Variants in TCERG1L observed in about 807,000 individuals in gnomAD.
The protein encoded by TCERG1L is transcription elongation regulator 1 like.
In TCERG1L, 37 loss-of-function variants were observed where a neutral mutation model predicts 56.3. The observed-to-expected ratio is 0.66, with a 90% CI of 0.51 to 0.87. The LOEUF (loss-of-function observed/expected upper bound fraction) is 0.87, where lower values mean the gene tolerates loss of function less well. Ranked by LOEUF, TCERG1L falls within the 40% of genes least tolerant of loss-of-function variation. The pLI is 0.00. For missense variants in TCERG1L, 799 were observed against 774.2 expected, an observed-to-expected ratio of 1.03 and a Z score of -0.38; for synonymous variants, 324 against 326.3, an observed-to-expected ratio of 0.99 and a Z score of 0.08.
intron 4 of TCERG1L, among the ~76,000 whole-genome samples, chr10:131,239,948 C>T (rs1160414528): frequency 3.9e-5 from 6 of 152,164 alleles, no homozygotes; most frequent in African/African-American, 1.4e-4. Flanking sequence ...TCTGGGGAGC[C>T]ACTTTTGTCT....
chr10:131,274,782 G>A (rs570748106), intron 3 of TCERG1L, among the ~76,000 whole-genome samples: 36 of 152,230 alleles, frequency 2.4e-4, no homozygotes, highest in Admixed American at 1.6e-3. Context: ...AGCCCAGGCC[G>A]TGTGACACCG....
chr10:131,141,524 A>G (rs78294098), intron 7 of TCERG1L, among the ~76,000 whole-genome samples: 7,361 of 152,210 alleles, frequency 0.048, 256 homozygotes, highest in South Asian at 0.19. Context: ...TCCTGTGTCT[A>G]GCCCAGTGCT....
At chr10:131,159,783 AGTGAGG>A (rs1364342645) in intron 6 of TCERG1L, among the ~76,000 whole-genome samples, 2 of 152,096 alleles carry the variant, frequency 1.3e-5, no homozygotes, top group Non-Finnish European at 2.9e-5. Flanking sequence ...TGCTGCCATT[AGTGAGG>A]ATGTCACATC....
At chr10:131,093,494 G>A (rs1845204535) in intron 11 of TCERG1L, among the ~76,000 whole-genome samples, 176 bp from the exon 12 acceptor site, 1 of 152,002 alleles carries the variant, frequency 6.6e-6, no homozygotes, top group Admixed American at 6.6e-5. Flanking sequence ...CCTCACCCGG[G>A]TCCTGCAGGG....
chr10:131,156,087 G>C (rs991390307), intron 6 of TCERG1L: 2 of 152,202 alleles, frequency 1.3e-5, no homozygotes, highest in Non-Finnish European at 2.9e-5. Context: ...ACGGTGCACG[G>C]GAGAAAGTGA....
rs1589780995 is a variant in TCERG1L at position 131,311,113 on chromosome 10, C to G, written c.342+181G>C. Among the ~76,000 whole-genome samples, 1 of 152,160 alleles carries G rather than the reference C, an allele frequency of 6.6e-6. No homozygotes were observed. The highest frequency in any genetic ancestry group is 1.5e-5 in the Non-Finnish European group (1 of 68,024). On this transcript the variant is annotated intron_variant, in intron 1 of 11. Coordinates refer to ENST00000368642, the MANE Select transcript of TCERG1L (RefSeq NM_174937.4). The surrounding 1 kb of genome is among the most constrained non-coding windows in gnomAD (Gnocchi z 4.0). ...AAAGCTGCGGAGGTGGACGACCGGG[C>G]GTCCAAGCACGAACTTTCTCGCCGA...
intron 9 of TCERG1L, among the ~76,000 whole-genome samples, chr10:131,115,047 C>T (rs553301891): frequency 1.9e-4 from 29 of 152,240 alleles, no homozygotes; most frequent in Non-Finnish European, 2.9e-4. Flanking sequence ...TCCTGCCTCT[C>T]GCCCAATGAC....
At chr10:131,235,577 T>C (rs1333853901) in intron 4 of TCERG1L, among the ~76,000 whole-genome samples, 1 of 152,228 alleles carries the variant, frequency 6.6e-6, no homozygotes, top group Non-Finnish European at 1.5e-5. Context: ...CTCAAAACTA[T>C]GGAATACTCT....
At chr10:131,302,790 G>A (rs944267851) in intron 3 of TCERG1L, among the ~76,000 whole-genome samples, 3 of 151,646 alleles carry the variant, frequency 2.0e-5, no homozygotes, top group East Asian at 1.9e-4. Context: ...CCCCCACCCC[G>A]CAACAGGCCC....
chr10:131,249,367 A>C (rs1189447924), intron 4 of TCERG1L, among the ~76,000 whole-genome samples: 2 of 152,002 alleles, frequency 1.3e-5, no homozygotes, highest in African/African-American at 2.4e-5. Flanking sequence ...CAGTGGCTCC[A>C]CCCGGGTCCC....
rs549222493 is a variant in TCERG1L at position 131,096,217 on chromosome 10, G to A, written c.1604+2089C>T. Among the ~76,000 whole-genome samples the A allele has an allele frequency of 1.3e-3, 194 of 152,306 alleles. 1 individual carries two copies. Among genetic ancestry groups the A allele is most frequent in the Middle Eastern group, 3.4e-3 (1 of 294 alleles). On this transcript the variant is annotated intron_variant, in intron 11 of 11. Transcript: ENST00000368642. ...CATGGCCAGGAGAAGATGGGCCAGG[G>A]CCAGGCTGTGAACCAAGGCAGAGAA...
chr10:131,242,865 C>G (rs1845988553), intron 4 of TCERG1L, among the ~76,000 whole-genome samples: 1 of 151,812 alleles, frequency 6.6e-6, no homozygotes, highest in African/African-American at 2.4e-5. Context: ...TCTGGTGGTC[C>G]CTGTAAAAGC....
rs377090362 is a variant in TCERG1L, at chr10:131,308,937, C to A, written c.489+216G>T. Among the ~76,000 whole-genome samples, 4 of 152,000 alleles carry A rather than the reference C, an allele frequency of 2.6e-5. No individual in the cohort carries two copies. In the East Asian group the frequency reaches 5.8e-4, roughly 22 times the overall value. ...TTCAAAAATTGGAAATTTTACATTG[C>A]CCTGTGGAATCCAAATATCCTAAAC... On this transcript the variant is annotated intron_variant, in intron 2 of 11. Coordinates refer to ENST00000368642, the MANE Select transcript of TCERG1L (RefSeq NM_174937.4).
At chr10:131,309,032 T>C (rs1262925369) in intron 2 of TCERG1L, 121 bp downstream of exon 2, 6 of 1,127,052 alleles carry the variant, frequency 5.3e-6, no homozygotes, top group Non-Finnish European at 7.4e-6. Flanking sequence ...GATTTATTTC[T>C]ATACCTAGAT....
At chr10:131,274,938 G>C (rs1396006406) in intron 3 of TCERG1L, among the ~76,000 whole-genome samples, 2 of 152,182 alleles carry the variant, frequency 1.3e-5, no homozygotes, top group African/African-American at 4.8e-5. Context: ...TCTCAGAATG[G>C]AGCCTAAGGC....
At chr10:131,192,151 G>A (rs1845311789) in intron 4 of TCERG1L, among the ~76,000 whole-genome samples, 1 of 143,350 alleles carries the variant, frequency 7.0e-6, no homozygotes, top group Non-Finnish European at 1.5e-5. Flanking sequence ...CTAGTATCCA[G>A]AATCTATGAG....
chr10:131,097,200 CAAAA>C (rs1161006867), intron 11 of TCERG1L, among the ~76,000 whole-genome samples: 5 of 91,046 alleles, frequency 5.5e-5, no homozygotes, highest in Admixed American at 2.5e-4. Context: ...GGGTCTGTCT[CAAAA>C]AAAAAAAAAA....
intron 4 of TCERG1L, among the ~76,000 whole-genome samples, chr10:131,257,120 A>T (rs909408354): frequency 6.6e-6 from 1 of 151,930 alleles, no homozygotes; most frequent in Non-Finnish European, 1.5e-5. Flanking sequence ...TGCCCGGCCT[A>T]TCAACGCTCA....
chr10:131,119,184 G>A (rs973661974), intron 8 of TCERG1L, among the ~76,000 whole-genome samples: 8 of 152,144 alleles, frequency 5.3e-5, no homozygotes, highest in African/African-American at 1.9e-4. Flanking sequence ...CCAAGGTCCT[G>A]GGAAATTCAT....
Sources: gnomAD v4.1 joint callset for allele counts (sites outside exome capture counted in the v4.1 genomes callset) on GRCh38, gnomAD v4.1.1 for gene constraint, Gnocchi (gnomAD v3.1) non-coding constraint, MANE v1.5 for transcripts, NCBI Gene and HGNC (gene_info 2026-07-23, HGNC 2026-07-21) for gene names.